DPP10: variants seen among roughly 807,000 people sequenced by gnomAD.
DPP10 encodes the protein dipeptidyl peptidase like 10, also known as inactive dipeptidyl peptidase 10.
A neutral mutation model predicts 120.9 loss-of-function variants in DPP10; 33 were observed. The observed-to-expected ratio is 0.27, with a 90% CI of 0.21 to 0.37. DPP10 has a LOEUF of 0.37. Among genes scored for constraint, DPP10 ranks in the 10% least tolerant of loss-of-function variants. The pLI, the probability that DPP10 is intolerant of heterozygous loss-of-function variation, is 1.00. For synonymous variants in DPP10, 337 were observed against 326.1 expected (o/e 1.03, Z -0.36); for missense variants, 816 against 942.8 (o/e 0.87, Z 1.76).
chr2:115,575,212 A>G (rs1055989483), intron 5 of DPP10, among the ~76,000 whole-genome samples: 10 of 152,216 alleles, frequency 6.6e-5, no homozygotes, highest in Admixed American at 2.0e-4. Context: ...CTCAGGCATC[A>G]AACTGTTCAT....
At chr2:115,383,361 A>T (rs1254856688) in intron 3 of DPP10, among the ~76,000 whole-genome samples, 1 of 152,210 alleles carries the variant, frequency 6.6e-6, no homozygotes, top group Non-Finnish European at 1.5e-5. Context: ...CATGTGAGAC[A>T]TGCCTTTCAC....
At chr2:115,610,901 C>G (rs772631889) in intron 5 of DPP10, among the ~76,000 whole-genome samples, 7 of 152,204 alleles carry the variant, frequency 4.6e-5, no homozygotes, top group Non-Finnish European at 8.8e-5. Flanking sequence ...AGAAATAACC[C>G]TTCTTAGTAG....
rs146738443 is a variant in DPP10, at chr2:115,239,011, G to A, written c.61-70228G>A. Among the ~76,000 whole-genome samples, 276 of 152,240 alleles carry A rather than the reference G, an allele frequency of 1.8e-3. 2 individuals carry two copies. Among genetic ancestry groups the A allele is most frequent in the Non-Finnish European group, 2.9e-3 (199 of 68,024 alleles). ...CCAACACAGGAGAAAGATGTAGGCT[G>A]GGAGGCTAAGCCAATCTAGCCTTTT... is the stretch of plus-strand genomic sequence containing the variant. On this transcript the variant is annotated intron_variant, in intron 1 of 25. Transcript: ENST00000410059.
chr2:114,881,715 G>A (rs72832436), intron 1 of DPP10, among the ~76,000 whole-genome samples: 2,047 of 152,092 alleles, frequency 0.013, 26 homozygotes, highest in Non-Finnish European at 0.021. Flanking sequence ...ATGTGACCTA[G>A]ACTAGGGTCA....
At chr2:114,997,452 A>C (rs1701164793) in intron 1 of DPP10, among the ~76,000 whole-genome samples, 2 of 151,760 alleles carry the variant, frequency 1.3e-5, no homozygotes, top group Non-Finnish European at 1.5e-5. Flanking sequence ...AGACTGTGCC[A>C]CTGCACTCCA....
At chr2:115,056,225 A>AAAAT (rs953484795) in intron 1 of DPP10, among the ~76,000 whole-genome samples, 6 of 152,174 alleles carry the variant, frequency 3.9e-5, no homozygotes, top group Admixed American at 3.3e-4. Context: ...TAATTTGCAG[A>AAAAT]AAATATATAT....
chr2:115,681,147 G>A (rs2090622390), intron 5 of DPP10, among the ~76,000 whole-genome samples: 2 of 151,408 alleles, frequency 1.3e-5, no homozygotes, highest in East Asian at 3.9e-4. Flanking sequence ...AAAAATGACT[G>A]GTAATAGGAA....
intron 1 of DPP10, among the ~76,000 whole-genome samples, chr2:114,979,620 A>G (rs1699963487): frequency 6.6e-6 from 1 of 152,080 alleles, no homozygotes; most frequent in African/African-American, 2.4e-5. Flanking sequence ...AAAACTTGTT[A>G]TTGCAAAAGC....
At chr2:114,579,472 G>C (rs773846036) in intron 1 of DPP10, among the ~76,000 whole-genome samples, 9 of 152,152 alleles carry the variant, frequency 5.9e-5, no homozygotes, top group Non-Finnish European at 1.2e-4. Context: ...AATAAAAAAG[G>C]TTTGCAATCT....
At chr2:115,455,984 A>C (rs2073499448) in intron 3 of DPP10, among the ~76,000 whole-genome samples, 1 of 152,182 alleles carries the variant, frequency 6.6e-6, no homozygotes, top group Non-Finnish European at 1.5e-5. Context: ...AACTAAACTA[A>C]AGAGTTTCTG....
intron 5 of DPP10, among the ~76,000 whole-genome samples, chr2:115,571,077 T>C (rs1194452470): frequency 6.6e-6 from 1 of 152,224 alleles, no homozygotes; most frequent in East Asian, 1.9e-4. Flanking sequence ...GACGAGTTCC[T>C]ATGTTGTACA....
chr2:115,645,873 C>A (rs1021959152), intron 5 of DPP10, among the ~76,000 whole-genome samples: 7 of 152,126 alleles, frequency 4.6e-5, no homozygotes, highest in Non-Finnish European at 8.8e-5. Flanking sequence ...TAAGATGAAG[C>A]TGAAGCATTT....
At chr2:114,515,570 C>T (rs1225355432) in intron 1 of DPP10, among the ~76,000 whole-genome samples, 2 of 152,058 alleles carry the variant, frequency 1.3e-5, no homozygotes, top group African/African-American at 2.4e-5. Flanking sequence ...AACACCCAAC[C>T]TAAATAGTCA....
At chr2:115,194,315 C>T (rs977318885) in intron 1 of DPP10, among the ~76,000 whole-genome samples, 2 of 152,058 alleles carry the variant, frequency 1.3e-5, no homozygotes, top group Admixed American at 1.3e-4. Flanking sequence ...GCCTCCGCCT[C>T]CCAGGTTCAA....
At chr2:114,608,874 C>G (rs1693047036) in intron 1 of DPP10, among the ~76,000 whole-genome samples, 1 of 151,854 alleles carries the variant, frequency 6.6e-6, no homozygotes, top group African/African-American at 2.4e-5. Context: ...ACCGTAGAAA[C>G]TGGGGATGAC....
At chr2:115,700,373 A>C (rs1193200432) in intron 7 of DPP10, among the ~76,000 whole-genome samples, 1 of 152,128 alleles carries the variant, frequency 6.6e-6, no homozygotes, top group Non-Finnish European at 1.5e-5. Flanking sequence ...ATTTTTAAAA[A>C]TTTAACACCC....
chr2:115,281,353 A>C (rs1197524253), intron 1 of DPP10, among the ~76,000 whole-genome samples: 4 of 152,184 alleles, frequency 2.6e-5, no homozygotes, highest in Admixed American at 6.6e-5. Context: ...GAAGTAAGGC[A>C]GAATTCCCGT....
At chr2:115,708,389 A>C (rs1332454294) in intron 7 of DPP10, among the ~76,000 whole-genome samples, 2 of 151,970 alleles carry the variant, frequency 1.3e-5, no homozygotes, top group East Asian at 3.9e-4. Flanking sequence ...TAAGTATCTT[A>C]TTTGTTTCTG....
chr2:115,642,643 C>T (rs1360424206), intron 5 of DPP10, among the ~76,000 whole-genome samples: 2 of 152,000 alleles, frequency 1.3e-5, no homozygotes, highest in Admixed American at 6.6e-5. Context: ...ATCTCCCTCT[C>T]TCCTTTCCCT....
Sources: allele counts gnomAD v4.1 joint callset (sites outside exome capture counted in the v4.1 genomes callset), GRCh38; gene constraint gnomAD v4.1.1; transcripts MANE v1.5; gene names NCBI Gene and HGNC (gene_info 2026-07-23, HGNC 2026-07-21).